Variants in CLECL1 observed in about 807,000 individuals in gnomAD.
CLECL1 encodes the protein C-type lectin like 1.
chr12:9,718,360 ATTTT>A (rs76736771), downstream of CLECL1, among the ~76,000 whole-genome samples: 1 of 147,528 alleles, frequency 6.8e-6, no homozygotes, highest in African/African-American at 2.5e-5. Flanking sequence ...TTTCCTTACT[ATTTT>A]TTTTTTGTCT....
At chr12:9,726,978 A>G (rs1866387648) in intron 3 of CLECL1, among the ~76,000 whole-genome samples, 1 of 151,864 alleles carries the variant, frequency 6.6e-6, no homozygotes, top group Non-Finnish European at 1.5e-5. Context: ...AATCTAGTTT[A>G]TAATTTGGAC....
At chr12:9,725,565 A>G (rs1866370274) in intron 3 of CLECL1, among the ~76,000 whole-genome samples, 1 of 152,118 alleles carries the variant, frequency 6.6e-6, no homozygotes, top group Admixed American at 6.5e-5. Context: ...ATAGATTTCT[A>G]AAGTAGAACA....
intron 3 of CLECL1, among the ~76,000 whole-genome samples, chr12:9,725,065 A>C (rs1866362179): frequency 6.6e-6 from 1 of 152,182 alleles, no homozygotes; most frequent in Non-Finnish European, 1.5e-5. Context: ...AAAGTATTCT[A>C]TATCCAGTGA....
the CLECL1 span, among the ~76,000 whole-genome samples, chr12:9,705,180 C>A: frequency 6.6e-6 from 1 of 151,974 alleles, no homozygotes; most frequent in South Asian, 2.1e-4. Context: ...AGCTTTTTTT[C>A]ATATAATTGT....
At chr12:9,726,615 C>G (rs896675016) in intron 3 of CLECL1, among the ~76,000 whole-genome samples, 2 of 151,860 alleles carry the variant, frequency 1.3e-5, no homozygotes, top group Admixed American at 1.3e-4. Context: ...TATTTTAAGT[C>G]CATTTTGTTA....
chr12:9,732,468 T>C (rs1013080243), intron 1 of CLECL1, among the ~76,000 whole-genome samples: 2 of 152,264 alleles, frequency 1.3e-5, no homozygotes, highest in African/African-American at 4.8e-5. Context: ...TTCTAGACTT[T>C]ATAAAATTAA....
chr12:9,718,018 C>A (rs1025114638), downstream of CLECL1, among the ~76,000 whole-genome samples: 1 of 152,074 alleles, frequency 6.6e-6, no homozygotes, highest in South Asian at 2.1e-4. Flanking sequence ...TTTTATTCAA[C>A]TCAGAATACG....
At chr12:9,722,376 G>A (rs144226625), downstream of CLECL1, 76 of 428,776 alleles carry the variant, frequency 1.8e-4, no homozygotes, top group East Asian at 3.8e-3. Context: ...AATTTCTTAA[G>A]TTTTAAAATG....
chr12:9,710,632 A>G, the CLECL1 span, among the ~76,000 whole-genome samples: 6 of 152,144 alleles, frequency 3.9e-5, no homozygotes, highest in South Asian at 6.2e-4. Context: ...CTGAGACCCT[A>G]GCAAGGCAGA....
At chr12:9,721,268 C>A (rs1031710570), downstream of CLECL1, among the ~76,000 whole-genome samples, 1 of 151,656 alleles carries the variant, frequency 6.6e-6, no homozygotes, top group Non-Finnish European at 1.5e-5. Flanking sequence ...TGAGAATAAT[C>A]GCTAGAAAAT....
downstream of CLECL1, chr12:9,722,499 A>G: frequency 5.9e-6 from 8 of 1,352,544 alleles, no homozygotes; most frequent in Non-Finnish European, 7.6e-6. Flanking sequence ...TAATCATGTA[A>G]TTCAACAATT....
downstream of CLECL1, among the ~76,000 whole-genome samples, chr12:9,712,932 G>A (rs1866210074): frequency 2.0e-5 from 3 of 152,172 alleles, no homozygotes; most frequent in Admixed American, 2.0e-4. Flanking sequence ...AAACTATATT[G>A]TAGCAGGATG....
At chr12:9,704,112 T>A in the CLECL1 span, 1 of 152,224 alleles carries the variant, frequency 6.6e-6, no homozygotes, top group Admixed American at 6.5e-5. Flanking sequence ...ACAAGACATA[T>A]CTTGTATTTT....
At chr12:9,705,162 T>G in the CLECL1 span, among the ~76,000 whole-genome samples, 28 of 152,206 alleles carry the variant, frequency 1.8e-4, no homozygotes, top group African/African-American at 6.5e-4. Flanking sequence ...TAATGATCAG[T>G]GATATTGAGC....
chr12:9,704,534 T>C, the CLECL1 span, among the ~76,000 whole-genome samples: 1 of 152,206 alleles, frequency 6.6e-6, no homozygotes, highest in African/African-American at 2.4e-5. Flanking sequence ...CTAGTATCCA[T>C]TATTTTTTAA....
chr12:9,703,670 T>C, the CLECL1 span, among the ~76,000 whole-genome samples: 8,619 of 152,228 alleles, frequency 0.057, 267 homozygotes, highest in African/African-American at 0.072. Flanking sequence ...GCTTGGATTA[T>C]AGTTGTGAGC....
chr12:9,722,930 G>A, intron 3 of CLECL1, 117 bp from the exon 2 acceptor site: 1 of 662,616 alleles, frequency 1.5e-6, no homozygotes, highest in Non-Finnish European at 2.4e-6. Context: ...TTTGAAAAAA[G>A]TATGTGCTTT....
downstream of CLECL1, among the ~76,000 whole-genome samples, chr12:9,710,991 T>C (rs756799609): frequency 6.6e-6 from 1 of 152,332 alleles, no homozygotes; most frequent in South Asian, 2.1e-4. Flanking sequence ...ACTGTCCTTG[T>C]GATAAGGCAG....
the CLECL1 span, among the ~76,000 whole-genome samples, chr12:9,707,440 G>C: frequency 6.6e-6 from 1 of 152,172 alleles, no homozygotes; most frequent in Non-Finnish European, 1.5e-5. Flanking sequence ...GGAGTGCTGG[G>C]AAGGGAAGAA....
Sources: allele counts gnomAD v4.1 joint callset (sites outside exome capture counted in the v4.1 genomes callset), GRCh38; gene constraint gnomAD v4.1.1; transcripts MANE v1.5; gene names NCBI Gene and HGNC (gene_info 2026-07-23, HGNC 2026-07-21).